The following CWC27 variants were observed in gnomAD, a reference collection of about 807,000 sequenced individuals.
The protein encoded by CWC27 is spliceosome-associated protein CWC27 homolog.
In CWC27, 47 loss-of-function variants were observed where a neutral mutation model predicts 63.6. The ratio of observed to expected loss-of-function variants is 0.74; its 90% CI spans 0.58 to 0.94. CWC27 has a LOEUF of 0.94. Among genes scored for constraint, CWC27 ranks in the 40% least tolerant of loss-of-function variants. The pLI, the probability that CWC27 is intolerant of heterozygous loss-of-function variation, is 0.00. For missense variants in CWC27, 495 were observed against 554.3 expected (o/e 0.89, Z 1.07); for synonymous variants, 175 against 179.8 (o/e 0.97, Z 0.22).
intron 10 of CWC27, among the ~76,000 whole-genome samples, chr5:64,821,527 A>G (rs1745197090): frequency 6.6e-6 from 1 of 152,228 alleles, no homozygotes; most frequent in African/African-American, 2.4e-5. Context: ...GAACTAGAGG[A>G]AAAGAAAGTT....
intron 10 of CWC27, among the ~76,000 whole-genome samples, chr5:64,873,781 CTA>C: frequency 6.6e-6 from 1 of 152,132 alleles, no homozygotes; most frequent in Middle Eastern, 3.4e-3. Context: ...GGTGTTTTCT[CTA>C]TGTTTTCTTT....
intron 10 of CWC27, among the ~76,000 whole-genome samples, chr5:64,852,492 G>A (rs1409653069): frequency 8.6e-6 from 1 of 116,822 alleles, no homozygotes; most frequent in South Asian, 2.8e-4. Flanking sequence ...TTTTTTTTTT[G>A]AGACAGTCTG....
intron 2 of CWC27, among the ~76,000 whole-genome samples, chr5:64,777,812 A>T (rs994393116): frequency 6.6e-6 from 1 of 152,158 alleles, no homozygotes; most frequent in Non-Finnish European, 1.5e-5. Flanking sequence ...TACAACTATA[A>T]ATGCATAGTT....
chr5:64,796,675 A>G (rs1239326810), intron 7 of CWC27, among the ~76,000 whole-genome samples: 4 of 152,102 alleles, frequency 2.6e-5, no homozygotes, highest in African/African-American at 9.7e-5. Flanking sequence ...AAAATTATCC[A>G]CACAGAGTTA....
At chr5:64,850,404 G>A (rs568312734) in intron 10 of CWC27, among the ~76,000 whole-genome samples, 5 of 151,948 alleles carry the variant, frequency 3.3e-5, no homozygotes, top group Admixed American at 1.3e-4. Flanking sequence ...AATGATATTG[G>A]GCCCATATAC....
intron 10 of CWC27, among the ~76,000 whole-genome samples, chr5:64,860,293 A>G (rs953612830): frequency 6.6e-6 from 1 of 152,226 alleles, no homozygotes; most frequent in Non-Finnish European, 1.5e-5. Context: ...AAATATATTG[A>G]AAACCTCAAT....
At chr5:64,888,958 T>C (rs1467170193) in intron 11 of CWC27, among the ~76,000 whole-genome samples, 2 of 152,116 alleles carry the variant, frequency 1.3e-5, no homozygotes, top group African/African-American at 2.4e-5. Context: ...ACAGAAGACA[T>C]TGTGTTACTC....
At chr5:64,812,607 T>C (rs2112231071) in intron 10 of CWC27, among the ~76,000 whole-genome samples, 1 of 152,240 alleles carries the variant, frequency 6.6e-6, no homozygotes, top group African/African-American at 2.4e-5. Flanking sequence ...CAGTCTCAGG[T>C]TTAATGAAAT....
chr5:64,919,442 A>G (rs1377605712), intron 11 of CWC27, among the ~76,000 whole-genome samples: 1 of 152,154 alleles, frequency 6.6e-6, no homozygotes, highest in Non-Finnish European at 1.5e-5. Flanking sequence ...TGGTGTACAC[A>G]TGATCCCATC....
chr5:64,960,920 CTGTT>C (rs1748897097), intron 11 of CWC27, among the ~76,000 whole-genome samples: 1 of 119,928 alleles, frequency 8.3e-6, no homozygotes, highest in South Asian at 2.8e-4. Flanking sequence ...GCTCAATACA[CTGTT>C]TTTTTTTTTT....
chr5:64,958,093 G>GT (rs200713019), intron 11 of CWC27, among the ~76,000 whole-genome samples: 65 of 148,248 alleles, frequency 4.4e-4, no homozygotes, highest in East Asian at 3.5e-3. Context: ...TTTAAAACAG[G>GT]TTTTTTTTTT....
chr5:64,874,614 G>A lies in CWC27; in HGVS notation c.939-10829G>A, dbSNP rs1214758379. ...CCTGAGTAGCTGGAGTTACAGACAC[G>A]CACCACCATGCCTGTGATTGTTAAA... On this transcript the variant is annotated intron_variant, in intron 10 of 13. Coordinates refer to ENST00000381070, the MANE Select transcript of CWC27 (RefSeq NM_005869.4). Among the ~76,000 whole-genome samples the A allele has an allele frequency of 4.6e-5, 7 of 151,848 alleles. No individual in the cohort carries two copies. In the East Asian group the frequency reaches 5.8e-4, roughly 13 times the overall value.
intron 10 of CWC27, among the ~76,000 whole-genome samples, chr5:64,840,843 G>A (rs1361253000): frequency 2.0e-5 from 3 of 152,158 alleles, no homozygotes; most frequent in Non-Finnish European, 4.4e-5. Flanking sequence ...AAGGCATTGG[G>A]AATGGCTAGG....
intron 13 of CWC27, among the ~76,000 whole-genome samples, chr5:65,005,374 C>T (rs2112469647): frequency 6.6e-6 from 1 of 152,276 alleles, no homozygotes; most frequent in East Asian, 1.9e-4. Flanking sequence ...CATGCACATA[C>T]ACCTGTGGCA....
intron 11 of CWC27, among the ~76,000 whole-genome samples, chr5:64,923,059 G>GCT (rs1466171916): frequency 2.6e-5 from 4 of 152,162 alleles, no homozygotes; most frequent in African/African-American, 9.7e-5. Flanking sequence ...GTGCATAAGT[G>GCT]CTCTGATGGA....
chr5:64,880,765 T>C (rs1327162510), intron 10 of CWC27, among the ~76,000 whole-genome samples: 1 of 151,522 alleles, frequency 6.6e-6, no homozygotes, highest in Non-Finnish European at 1.5e-5. Flanking sequence ...TAAATGCTGA[T>C]GTCATACAAA....
intron 10 of CWC27, among the ~76,000 whole-genome samples, chr5:64,818,279 G>A (rs938212116): frequency 6.6e-6 from 1 of 152,114 alleles, no homozygotes; most frequent in African/African-American, 2.4e-5. Context: ...TAGGAAGTTA[G>A]ATTTGTCCTT....
At chr5:64,962,219 C>T (rs1748923479) in intron 11 of CWC27, among the ~76,000 whole-genome samples, 2 of 152,192 alleles carry the variant, frequency 1.3e-5, no homozygotes, top group Non-Finnish European at 2.9e-5. Flanking sequence ...TAACACAAAA[C>T]TTTCTTCTCC....
chr5:64,893,314 G>A lies in CWC27; in HGVS notation c.1042+7768G>A, dbSNP rs537837131. On this transcript the variant is annotated intron_variant, in intron 11 of 13. Coordinates refer to ENST00000381070, the MANE Select transcript of CWC27 (RefSeq NM_005869.4). ...ATGACATCAAACATATAATTCATTCGAGTGCTGAGTTTCTTCAACATCTTG... is the reference window on the plus strand; with the variant it reads ...ATGACATCAAACATATAATTCATTCAAGTGCTGAGTTTCTTCAACATCTTG... Among the ~76,000 whole-genome samples the A allele has an allele frequency of 2.6e-5, 4 of 152,246 alleles. No individual in the cohort carries two copies. The East Asian group carries it at 7.7e-4, about 29-fold the overall frequency.
Sources: allele counts gnomAD v4.1 joint callset (sites outside exome capture counted in the v4.1 genomes callset), GRCh38; gene constraint gnomAD v4.1.1; transcripts MANE v1.5; gene names NCBI Gene and HGNC (gene_info 2026-07-23, HGNC 2026-07-21).